The following VDAC1 variants were observed in gnomAD, a reference collection of about 807,000 sequenced individuals.
VDAC1 encodes non-selective voltage-gated ion channel VDAC1.
Under a neutral mutation model 34.7 loss-of-function variants are expected in VDAC1, and 10 were observed. The observed-to-expected ratio is 0.29, with a 90% CI of 0.18 to 0.49. The LOEUF (loss-of-function observed/expected upper bound fraction) is 0.49. Ranked by LOEUF, VDAC1 falls within the 20% of genes least tolerant of loss-of-function variation. The pLI is 0.99. For missense variants in VDAC1, 230 were observed against 347.9 expected (o/e 0.66, Z 2.69); for synonymous variants, 130 against 136.0 (o/e 0.96, Z 0.30).
the VDAC1 span, among the ~76,000 whole-genome samples, chr5:134,041,012 C>G: frequency 1.3e-5 from 2 of 152,158 alleles, no homozygotes; most frequent in Non-Finnish European, 2.9e-5. Context: ...GAAGAACTGT[C>G]GGAACAGATG....
intron 1 of VDAC1, among the ~76,000 whole-genome samples, chr5:133,999,520 T>C (rs1753457770): frequency 6.6e-6 from 1 of 152,208 alleles, no homozygotes; most frequent in South Asian, 2.1e-4. Context: ...GGGCTTATGA[T>C]TGGGCTTAGC....
the VDAC1 span, among the ~76,000 whole-genome samples, chr5:134,051,871 GTA>G: frequency 2.6e-4 from 39 of 151,656 alleles, no homozygotes; most frequent in Non-Finnish European, 2.4e-4. Flanking sequence ...GCTAATTTTT[GTA>G]TCTTTGTAGA....
intron 7 of VDAC1, among the ~76,000 whole-genome samples, chr5:133,974,885 G>A (rs562793977): frequency 2.0e-5 from 3 of 152,046 alleles, no homozygotes; most frequent in South Asian, 2.1e-4. Flanking sequence ...CCTGGGGGAC[G>A]GAGGTTGCGC....
At chr5:133,992,805 C>A in intron 2 of VDAC1, 141 bp downstream of exon 2, 2 of 811,708 alleles carry the variant, frequency 2.5e-6, no homozygotes, top group East Asian at 5.8e-5. Context: ...AATTGCCACA[C>A]AAATGAAAGC....
At chr5:134,020,478 T>TC in the VDAC1 span, among the ~76,000 whole-genome samples, 5 of 151,956 alleles carry the variant, frequency 3.3e-5, no homozygotes, top group African/African-American at 1.2e-4. Flanking sequence ...ACTTCCCAAT[T>TC]CCGCACACTT....
At chr5:133,985,236 G>A (rs1279949110) in intron 5 of VDAC1, among the ~76,000 whole-genome samples, 2 of 152,132 alleles carry the variant, frequency 1.3e-5, no homozygotes, top group Non-Finnish European at 2.9e-5. Context: ...GGTGTGCACA[G>A]ACCTGCTCAC....
the VDAC1 span, among the ~76,000 whole-genome samples, chr5:134,049,072 T>A: frequency 6.6e-6 from 1 of 152,328 alleles, no homozygotes; most frequent in East Asian, 1.9e-4. Context: ...TATCCTCATT[T>A]TACAGATGTG....
chr5:133,974,963 AAAC>A (rs1298612787), intron 7 of VDAC1, among the ~76,000 whole-genome samples: 5 of 148,288 alleles, frequency 3.4e-5, no homozygotes, highest in East Asian at 2.1e-4. Flanking sequence ...TCAAAAAAAA[AAAC>A]AAACAAACAG....
the VDAC1 span, among the ~76,000 whole-genome samples, chr5:134,049,415 C>T: frequency 6.6e-6 from 1 of 151,966 alleles, no homozygotes; most frequent in Admixed American, 6.6e-5. Flanking sequence ...TCAATCACTG[C>T]AAATTTAGAT....
At chr5:133,996,222 C>A (rs982669933) in intron 1 of VDAC1, among the ~76,000 whole-genome samples, 4 of 152,176 alleles carry the variant, frequency 2.6e-5, no homozygotes, top group Non-Finnish European at 5.9e-5. Flanking sequence ...GAGGGATGGG[C>A]AGGGCCAGGC....
the VDAC1 span, among the ~76,000 whole-genome samples, chr5:134,017,453 T>C: frequency 6.6e-6 from 1 of 151,442 alleles, no homozygotes; most frequent in African/African-American, 2.4e-5. Context: ...CGAAACTCCA[T>C]CTCAAAAAAA....
upstream of VDAC1, among the ~76,000 whole-genome samples, chr5:134,009,247 CTTTTTTTTTTTTT>C (rs869155174): frequency 1.1e-5 from 1 of 87,070 alleles, no homozygotes; most frequent in South Asian, 3.8e-4. Flanking sequence ...TTTATCAATT[CTTTTTTTTTTTTT>C]TTTTTTTTTT....
At chr5:133,981,753 G>A (rs1045502825) in intron 5 of VDAC1, among the ~76,000 whole-genome samples, 1 of 152,186 alleles carries the variant, frequency 6.6e-6, no homozygotes, top group African/African-American at 2.4e-5. Flanking sequence ...ACACACTGGA[G>A]AACAAGATCA....
At chr5:134,090,540 G>C in the VDAC1 span, among the ~76,000 whole-genome samples, 1 of 152,078 alleles carries the variant, frequency 6.6e-6, no homozygotes, top group African/African-American at 2.4e-5. Flanking sequence ...CTTTGGCCTG[G>C]TTCTCTGGTC....
chr5:134,051,041 G>A, the VDAC1 span, among the ~76,000 whole-genome samples: 1 of 152,320 alleles, frequency 6.6e-6, no homozygotes, highest in Admixed American at 6.5e-5. Context: ...CCTGCACAAG[G>A]GCACCTGGCC....
At chr5:134,059,624 C>A in the VDAC1 span, among the ~76,000 whole-genome samples, 1 of 152,130 alleles carries the variant, frequency 6.6e-6, no homozygotes, top group Non-Finnish European at 1.5e-5. Context: ...ACCCCCGAGC[C>A]ATTTGGGCAT....
chr5:134,046,682 T>A, the VDAC1 span, among the ~76,000 whole-genome samples: 2 of 152,154 alleles, frequency 1.3e-5, no homozygotes, highest in Non-Finnish European at 2.9e-5. Flanking sequence ...GTCCCCCAGT[T>A]CTGGGTTGTT....
the VDAC1 span, among the ~76,000 whole-genome samples, chr5:134,093,060 A>T: frequency 6.6e-6 from 1 of 152,228 alleles, no homozygotes; most frequent in Non-Finnish European, 1.5e-5. Flanking sequence ...CTGAGTCATA[A>T]ATCTACCAGC....
the VDAC1 span, among the ~76,000 whole-genome samples, chr5:134,096,946 G>A: frequency 6.6e-6 from 1 of 152,248 alleles, no homozygotes; most frequent in African/African-American, 2.4e-5. Context: ...CTAGCTAAGG[G>A]GCTTGCAGCC....
Sources: allele counts gnomAD v4.1 joint callset (sites outside exome capture counted in the v4.1 genomes callset), GRCh38; gene constraint gnomAD v4.1.1; transcripts MANE v1.5; gene names NCBI Gene and HGNC (gene_info 2026-07-23, HGNC 2026-07-21).